Variants in PDPK1 observed in about 807,000 individuals in gnomAD.
The protein encoded by PDPK1 is 3-phosphoinositide dependent protein kinase 1, also known as 3-phosphoinositide-dependent protein kinase 1.
PDPK1 carries 7 observed loss-of-function variants against 39.8 expected under a neutral mutation model. The ratio of observed to expected loss-of-function variants is 0.18; its 90% CI spans 0.10 to 0.33. The LOEUF is 0.33. Ranked by LOEUF, PDPK1 falls within the 10% of genes least tolerant of loss-of-function variation. The pLI is 1.00. For synonymous variants in PDPK1, 118 were observed against 159.1 expected (o/e 0.74, Z 1.95); for missense variants, 182 against 384.7 (o/e 0.47, Z 4.41).
intron 11 of PDPK1, among the ~76,000 whole-genome samples, chr16:2,590,886 A>G (rs1489657050): frequency 1.3e-5 from 2 of 151,832 alleles, no homozygotes; most frequent in Non-Finnish European, 2.9e-5. Context: ...GGGCTGAAGC[A>G]TTCCTCTCGC....
intron 12 of PDPK1, among the ~76,000 whole-genome samples, chr16:2,596,727 C>T (rs1449831153): frequency 1.3e-5 from 2 of 152,180 alleles, no homozygotes; most frequent in Middle Eastern, 3.2e-3. Flanking sequence ...ATATTCAGCT[C>T]CAGGTGCTCA....
Position 2,600,469 on chromosome 16 carries a change from TTGTG to T in PDPK1, c.*2705_*2708del, listed in dbSNP as rs1429112248. 1.7e-5 allele frequency: 4 copies of T among 229,882 alleles called. No individual in the cohort carries two copies. The highest frequency in any genetic ancestry group is 9.0e-5 in the African/African-American group (4 of 44,218). 14.2% of individuals were successfully genotyped at this position (229,882 alleles called of 1,614,324 possible). A position where few individuals can be genotyped will look rare whatever the true frequency, so the allele number is the denominator to read the frequency against. ...TCTGAGGGATTCCTTTCTCCCCTCT[TTGTG>T]TGGCCCCAGCCAGGGCGGTGGGCAG... On this transcript the variant is annotated 3_prime_UTR_variant, in exon 14 of 14. Coordinates refer to ENST00000342085, the MANE Select transcript of PDPK1 (RefSeq NM_002613.5).
chr16:2,552,421 C>T (rs148217503), intron 1 of PDPK1, among the ~76,000 whole-genome samples: 3,750 of 149,026 alleles, frequency 0.025, 151 homozygotes, highest in African/African-American at 0.08. Flanking sequence ...TTTACAAGTT[C>T]CAATTTGTTT....
rs981306719 is a variant in PDPK1, at chr16:2,598,095, G to A, written c.*328G>A. On this transcript the variant is annotated 3_prime_UTR_variant, in exon 14 of 14. Transcript: ENST00000342085. The stretch of plus-strand genomic sequence containing the variant: ...GCCCAGACTAGTGGACAGACCTGGT[G>A]TCACCAGTTTTTCCTAGCATCAGTC... 2 of 373,606 alleles carry A rather than the reference G, an allele frequency of 5.4e-6. No homozygotes were observed. The highest frequency in any genetic ancestry group is 8.8e-5 in the Admixed American group (2 of 22,754). The allele number at this position is 373,606 out of a possible 1,614,324, so 23.1% of individuals were successfully genotyped here.
chr16:2,580,223 T>C (rs530550494), intron 7 of PDPK1, among the ~76,000 whole-genome samples: 4,210 of 140,662 alleles, frequency 0.03, 250 homozygotes, highest in African/African-American at 0.11. Flanking sequence ...TTCTGTCGCA[T>C]GAACAGATTG....
At chr16:2,590,440 T>C (rs765591621) in intron 11 of PDPK1, among the ~76,000 whole-genome samples, 3 of 152,140 alleles carry the variant, frequency 2.0e-5, no homozygotes, top group Non-Finnish European at 4.4e-5. Context: ...TTGTTAAAAA[T>C]GTTGAATGTT....
chr16:2,586,804 T>A lies in PDPK1; in HGVS notation c.1254T>A (p.Asp418Glu). Residue 418 changes from aspartate (D) to glutamate (E), a missense_variant, in exon 11 of 14, where the codon GAT becomes GAA. By Grantham distance (45) the Asp-to-Glu change is conservative (BLOSUM62 2). Around this residue, in one of 5 missense-constraint regions of PDPK1, gnomAD observed 90 missense variants for 111.9 expected, o/e 0.80. Coordinates refer to ENST00000342085, the MANE Select transcript of PDPK1 (RefSeq NM_002613.5). ...GCAACATAGAGCAGTACATTCACGA[T>A]CTGGACTCGAACTCCTTTGAACTGG... ...SGSNIEQYIH[D>E]LDSNSFELDL... 6.2e-7 allele frequency: 1 copy of A among 1,614,232 alleles called. No homozygotes were observed. The highest frequency in any genetic ancestry group is 1.3e-5 in the African/African-American group (1 of 75,052).
intron 11 of PDPK1, among the ~76,000 whole-genome samples, chr16:2,595,203 A>G (rs1257181303): frequency 6.6e-6 from 1 of 152,234 alleles, no homozygotes; most frequent in East Asian, 1.9e-4. Context: ...TAAAGCCTCT[A>G]TGTGAATCTT....
chr16:2,576,091 G>GAC (rs2066703259), intron 6 of PDPK1: 1 of 144,112 alleles, frequency 6.9e-6, no homozygotes, highest in Non-Finnish European at 1.5e-5. Context: ...GACCCTGAAG[G>GAC]ACAGAGCATG....
chr16:2,544,208 G>A (rs1474740059), intron 1 of PDPK1, among the ~76,000 whole-genome samples: 1 of 152,196 alleles, frequency 6.6e-6, no homozygotes, highest in Non-Finnish European at 1.5e-5. Context: ...CCTGATAGGT[G>A]GTTACAAAGT....
chr16:2,562,046 CAGCCGA>C, intron 4 of PDPK1, 138 bp downstream of exon 4: 1 of 133,804 alleles, frequency 7.5e-6, no homozygotes, highest in South Asian at 2.1e-4. Context: ...TTCAGGGAGG[CAGCCGA>C]GGCAGCGCCA....
chr16:2,542,740 G>C (rs1172439861), intron 1 of PDPK1, among the ~76,000 whole-genome samples: 2 of 152,228 alleles, frequency 1.3e-5, no homozygotes, highest in Non-Finnish European at 2.9e-5. Flanking sequence ...TTTCAAGTCA[G>C]CTTGTAGCAC....
At chr16:2,590,097 T>C (rs2066957743) in intron 11 of PDPK1, among the ~76,000 whole-genome samples, 1 of 152,198 alleles carries the variant, frequency 6.6e-6, no homozygotes, top group Non-Finnish European at 1.5e-5. Context: ...GCTTGGCCTG[T>C]GTCCCCTGGC....
At chr16:2,595,635 TG>T (rs1269735399) in intron 11 of PDPK1, among the ~76,000 whole-genome samples, 157 bp from the exon 12 acceptor site, 5 of 152,206 alleles carry the variant, frequency 3.3e-5, no homozygotes, top group African/African-American at 4.8e-5. Flanking sequence ...CTGTATGTGC[TG>T]GGTTACATGT....
intron 1 of PDPK1, among the ~76,000 whole-genome samples, chr16:2,552,767 A>G (rs2066439227): frequency 7.5e-6 from 1 of 133,974 alleles, no homozygotes; most frequent in Admixed American, 7.3e-5. Flanking sequence ...ATTTCTCAGC[A>G]CTGATGAAGT....
At chr16:2,538,918 A>G (rs2066190452) in intron 1 of PDPK1, 1 of 473,550 alleles carries the variant, frequency 2.1e-6, no homozygotes, top group South Asian at 2.0e-5. Context: ...TAAGTTCTAC[A>G]GTCTGGGGAC....
At position 2,598,135 on chromosome 16, in the gene PDPK1, G is replaced by A. The variant is rs1239524185; in HGVS notation, c.*368G>A. On this transcript the variant is annotated 3_prime_UTR_variant, in exon 14 of 14. Coordinates refer to ENST00000342085, the MANE Select transcript of PDPK1 (RefSeq NM_002613.5). ...TAGCATCAGTCCGAACCATGCGCCC[G>A]CCCTGCCCCAACTGTGTGCTGGTCC... 7.0e-6 allele frequency: 2 copies of A among 285,300 alleles called. No homozygotes were observed. The highest frequency in any genetic ancestry group is 1.3e-5 in the Non-Finnish European group (2 of 150,856). The allele number at this position is 285,300 out of a possible 1,614,324, so 17.7% of individuals were successfully genotyped here.
chr16:2,588,563 T>C (rs1567165951), intron 11 of PDPK1, among the ~76,000 whole-genome samples: 1 of 152,156 alleles, frequency 6.6e-6, no homozygotes, highest in Non-Finnish European at 1.5e-5. Context: ...GGCCTTGGGG[T>C]CCGTCTGGGT....
chr16:2,595,450 A>T (rs535500206), intron 11 of PDPK1, among the ~76,000 whole-genome samples: 1 of 152,276 alleles, frequency 6.6e-6, no homozygotes, highest in Non-Finnish European at 1.5e-5. Context: ...GCGCCTCACC[A>T]CAGCTTTGTT....
Sources: gnomAD v4.1 joint callset for allele counts (sites outside exome capture counted in the v4.1 genomes callset) on GRCh38, gnomAD v4.1.1 for gene constraint, gnomAD v4.1.1 regional missense constraint, MANE v1.5 for transcripts, NCBI Gene and HGNC (gene_info 2026-07-23, HGNC 2026-07-21) for gene names.